Variants in KCTD16 observed in about 807,000 individuals in gnomAD.
KCTD16 encodes BTB/POZ domain-containing protein KCTD16.
Under a neutral mutation model 33.2 loss-of-function variants are expected in KCTD16, and 13 were observed. The observed-to-expected ratio is 0.39, with a 90% confidence interval of 0.25 to 0.62. KCTD16 has a LOEUF of 0.62. Ranked by LOEUF, KCTD16 falls within the 20% of genes least tolerant of loss-of-function variation. The pLI, the probability that KCTD16 is intolerant of heterozygous loss-of-function variation, is 0.50. For missense variants in KCTD16, 441 were observed against 525.1 expected (o/e 0.84, Z 1.57); for synonymous variants, 197 against 195.3 (o/e 1.01, Z -0.07).
At chr5:144,213,916 G>C (rs766304716) in intron 3 of KCTD16, among the ~76,000 whole-genome samples, 7 of 152,176 alleles carry the variant, frequency 4.6e-5, no homozygotes, top group South Asian at 2.1e-4. Flanking sequence ...AGGTGCTGCA[G>C]TGGTAGCCTG....
chr5:144,365,031 T>C (rs908080501), intron 3 of KCTD16, among the ~76,000 whole-genome samples: 5 of 152,210 alleles, frequency 3.3e-5, no homozygotes, highest in Admixed American at 3.3e-4. Flanking sequence ...TCATTTTTTT[T>C]TTTTTGCTTT....
chr5:144,249,158 A>C (rs557802886), intron 3 of KCTD16, among the ~76,000 whole-genome samples: 1 of 152,132 alleles, frequency 6.6e-6, no homozygotes, highest in Non-Finnish European at 1.5e-5. Flanking sequence ...TGCTACTTCT[A>C]TAAGGACCTT....
intron 3 of KCTD16, among the ~76,000 whole-genome samples, chr5:144,415,542 T>G (rs1753029059): frequency 6.6e-6 from 1 of 152,120 alleles, no homozygotes; most frequent in Non-Finnish European, 1.5e-5. Flanking sequence ...GGACTCAATC[T>G]CTATCACTTG....
intron 3 of KCTD16, among the ~76,000 whole-genome samples, chr5:144,213,999 G>C (rs150092973): frequency 7.4e-4 from 112 of 152,212 alleles, no homozygotes; most frequent in African/African-American, 2.6e-3. Context: ...TTTGCCTTCT[G>C]GCTATTCTGA....
chr5:144,321,660 GAT>G (rs1752077857), intron 3 of KCTD16, among the ~76,000 whole-genome samples: 1 of 152,112 alleles, frequency 6.6e-6, no homozygotes, highest in Admixed American at 6.6e-5. Flanking sequence ...TATTAGATAA[GAT>G]GTGTTAATTA....
chr5:144,207,059 C>A lies in KCTD16; in HGVS notation c.345C>A (p.Leu115=). Reference sequence around the variant, plus strand: ...AAAGGGAAGCTGAATACTTCCAGCTCCCAGACTTGGTCAAACTCCTGACCC... The same window carrying A: ...AAAGGGAAGCTGAATACTTCCAGCTACCAGACTTGGTCAAACTCCTGACCC... ...RLKREAEYFQ[L]PDLVKLLTPD... is the part of the protein sequence containing the mutation. The change falls in exon 3 of 4, where the codon CTC becomes CTA. Residue 115 remains leucine, a synonymous_variant. Coordinates refer to ENST00000512467, the MANE Select transcript of KCTD16 (RefSeq NM_020768.4). The A allele has an allele frequency of 6.2e-7, 1 of 1,613,894 alleles. No homozygotes were observed. The highest frequency in any genetic ancestry group is 8.5e-7 in the Non-Finnish European group (1 of 1,179,926).
At chr5:144,271,829 A>C (rs2126847464) in intron 3 of KCTD16, among the ~76,000 whole-genome samples, 1 of 152,114 alleles carries the variant, frequency 6.6e-6, no homozygotes, top group African/African-American at 2.4e-5. Flanking sequence ...GCAGGATACA[A>C]AGTCAACACA....
At chr5:144,298,028 A>G (rs939595668) in intron 3 of KCTD16, among the ~76,000 whole-genome samples, 15 of 152,172 alleles carry the variant, frequency 9.9e-5, no homozygotes, top group African/African-American at 3.1e-4. Flanking sequence ...CTGATCCAGC[A>G]AGGCGCCCAT....
At chr5:144,343,496 G>T (rs1752701368) in intron 3 of KCTD16, among the ~76,000 whole-genome samples, 1 of 151,970 alleles carries the variant, frequency 6.6e-6, no homozygotes, top group South Asian at 2.1e-4. Context: ...TTTGCTAGCG[G>T]TCTATCAATT....
chr5:144,381,111 A>T (rs945861714), intron 3 of KCTD16, among the ~76,000 whole-genome samples: 2 of 152,308 alleles, frequency 1.3e-5, no homozygotes, highest in African/African-American at 2.4e-5. Flanking sequence ...TTAACAAGGA[A>T]AAAACAAGCA....
intron 3 of KCTD16, among the ~76,000 whole-genome samples, chr5:144,216,615 G>A (rs1753569989): frequency 6.6e-6 from 1 of 152,092 alleles, no homozygotes; most frequent in Non-Finnish European, 1.5e-5. Context: ...GGACTGAGGT[G>A]GGTGGATTGC....
At chr5:144,468,837 T>C (rs1218358321) in intron 3 of KCTD16, among the ~76,000 whole-genome samples, 4 of 152,196 alleles carry the variant, frequency 2.6e-5, no homozygotes, top group Non-Finnish European at 5.9e-5. Context: ...TGTGGGTACA[T>C]TGCAGAGCTT....
intron 3 of KCTD16, among the ~76,000 whole-genome samples, chr5:144,256,760 A>G (rs1309485836): frequency 2.0e-5 from 3 of 148,270 alleles, no homozygotes; most frequent in African/African-American, 5.2e-5. Context: ...GCCATTCATC[A>G]TGTTGCTAAA....
intron 3 of KCTD16, among the ~76,000 whole-genome samples, chr5:144,350,468 A>C (rs979064207): frequency 6.6e-6 from 1 of 152,210 alleles, no homozygotes; most frequent in Non-Finnish European, 1.5e-5. Flanking sequence ...ACAGAAAAGA[A>C]GTCTGAATTA....
At chr5:144,404,599 G>T (rs555458696) in intron 3 of KCTD16, among the ~76,000 whole-genome samples, 1 of 152,162 alleles carries the variant, frequency 6.6e-6, no homozygotes, top group Non-Finnish European at 1.5e-5. Flanking sequence ...AAAGTGAAAA[G>T]CAGAAATATA....
At chr5:144,341,624 T>A (rs888217811) in intron 3 of KCTD16, among the ~76,000 whole-genome samples, 5 of 152,216 alleles carry the variant, frequency 3.3e-5, no homozygotes, top group African/African-American at 4.8e-5. Context: ...TTTTTGATTT[T>A]AAAAAGTAGA....
Position 144,456,205 on chromosome 5 carries a change from C to CCG in KCTD16, c.833-17454_833-17453insGC, listed in dbSNP as rs552049510. ...TATATTTTCTGTCTCCCCTCACAAA[C>CCG]CCCCCCCAACAAAATATAATTTTGC... On this transcript the variant is annotated intron_variant, in intron 3 of 3. Transcript: ENST00000512467. 4.5e-3 allele frequency among the ~76,000 whole-genome samples: 272 copies of CCG among 60,528 alleles called. 1 individual carries two copies. Among genetic ancestry groups the CCG allele is most frequent in the African/African-American group, 0.026 (259 of 10,096 alleles). 39.7% of individuals were successfully genotyped at this position (60,528 alleles called of 152,430 possible).
chr5:144,348,629 C>T (rs1303326752), intron 3 of KCTD16, among the ~76,000 whole-genome samples: 2 of 152,138 alleles, frequency 1.3e-5, no homozygotes, highest in African/African-American at 4.8e-5. Context: ...CGTGCTCACT[C>T]CTATGGCCAG....
At chr5:144,302,452 C>T (rs533253460) in intron 3 of KCTD16, among the ~76,000 whole-genome samples, 1 of 152,258 alleles carries the variant, frequency 6.6e-6, no homozygotes, top group Admixed American at 6.5e-5. Flanking sequence ...GGTGTTCAAC[C>T]ATGACTTTGG....
Sources: gnomAD v4.1 joint callset for allele counts (sites outside exome capture counted in the v4.1 genomes callset) on GRCh38, gnomAD v4.1.1 for gene constraint, MANE v1.5 for transcripts, NCBI Gene and HGNC (gene_info 2026-07-23, HGNC 2026-07-21) for gene names.